Variants in SPMAP2L observed in about 807,000 individuals in gnomAD.
SPMAP2L encodes the protein sperm microtubule associated protein 2 like.
At chr4:56,546,149 A>T in the SPMAP2L span, among the ~76,000 whole-genome samples, 1 of 152,034 alleles carries the variant, frequency 6.6e-6, no homozygotes, top group Non-Finnish European at 1.5e-5. Flanking sequence ...AAATTCTTAG[A>T]ATTAATAATG....
chr4:56,573,217 A>G, the SPMAP2L span, among the ~76,000 whole-genome samples: 4,860 of 152,298 alleles, frequency 0.032, 232 homozygotes, highest in African/African-American at 0.1. Flanking sequence ...TCATTTGAAT[A>G]GTGCTTTGTG....
the SPMAP2L span, among the ~76,000 whole-genome samples, chr4:56,543,827 T>C: frequency 3.9e-5 from 6 of 152,048 alleles, no homozygotes; most frequent in African/African-American, 1.2e-4. Context: ...GCTTAACCTA[T>C]TAATTTTGGT....
chr4:56,571,477 T>A, the SPMAP2L span, among the ~76,000 whole-genome samples: 1 of 151,958 alleles, frequency 6.6e-6, no homozygotes, highest in Non-Finnish European at 1.5e-5. Flanking sequence ...CACACCTGGT[T>A]AATTGTTTTG....
the SPMAP2L span, among the ~76,000 whole-genome samples, chr4:56,624,503 C>T: frequency 6.6e-6 from 1 of 152,174 alleles, no homozygotes; most frequent in Non-Finnish European, 1.5e-5. Context: ...GCAGCCCCTC[C>T]CATCACAGGC....
chr4:56,581,385 G>T, the SPMAP2L span, among the ~76,000 whole-genome samples: 3 of 151,838 alleles, frequency 2.0e-5, no homozygotes, highest in African/African-American at 7.3e-5. Context: ...AACCTGGGAG[G>T]CAGAGGTTAC....
chr4:56,621,159 ACTATTAATTTAGGAGACTGC>A, the SPMAP2L span, among the ~76,000 whole-genome samples: 748 of 152,336 alleles, frequency 4.9e-3, 8 homozygotes, highest in African/African-American at 0.016. Flanking sequence ...TTATTACTGT[ACTATTAATTTAGGAGACTGC>A]CTATTAATTT....
chr4:56,552,572 C>T, the SPMAP2L span: 2 of 1,526,516 alleles, frequency 1.3e-6, no homozygotes, highest in Non-Finnish European at 1.8e-6. Context: ...AAGAGAACCC[C>T]AAATCTTTCA....
chr4:56,573,363 A>G, the SPMAP2L span, among the ~76,000 whole-genome samples: 15 of 152,286 alleles, frequency 9.8e-5, no homozygotes, highest in African/African-American at 2.6e-4. Context: ...TGGTCAGTAC[A>G]GATTTTCCTG....
At chr4:56,623,772 T>C in the SPMAP2L span, among the ~76,000 whole-genome samples, 1 of 152,222 alleles carries the variant, frequency 6.6e-6, no homozygotes, top group Non-Finnish European at 1.5e-5. Context: ...CCTCCCACCA[T>C]GATTCTGAGG....
At chr4:56,568,204 C>T in the SPMAP2L span, among the ~76,000 whole-genome samples, 50 of 152,214 alleles carry the variant, frequency 3.3e-4, no homozygotes, top group African/African-American at 9.9e-4. Context: ...CTTGAAAATA[C>T]GCAATACAGT....
chr4:56,593,385 T>C, the SPMAP2L span: 1 of 1,296,816 alleles, frequency 7.7e-7, no homozygotes. Context: ...GAGTCCTCAT[T>C]GAGCTGAAGT....
chr4:56,599,445 C>G, the SPMAP2L span, among the ~76,000 whole-genome samples: 1 of 152,096 alleles, frequency 6.6e-6, no homozygotes, highest in Non-Finnish European at 1.5e-5. Context: ...AGATTTGTTA[C>G]ATAGGTATAC....
chr4:56,543,941 AGAGAGAGAGT>A, the SPMAP2L span, among the ~76,000 whole-genome samples: 5 of 132,342 alleles, frequency 3.8e-5, no homozygotes, highest in South Asian at 2.4e-4. Context: ...AGAGAGAGAG[AGAGAGAGAGT>A]GTGTGTGTGT....
At chr4:56,565,845 T>C in the SPMAP2L span, among the ~76,000 whole-genome samples, 16 of 152,152 alleles carry the variant, frequency 1.1e-4, no homozygotes, top group Non-Finnish European at 8.8e-5. Context: ...TATTACAAAT[T>C]GACCCTTTTT....
At chr4:56,607,501 A>G in the SPMAP2L span, among the ~76,000 whole-genome samples, 1 of 152,204 alleles carries the variant, frequency 6.6e-6, no homozygotes, top group Admixed American at 6.5e-5. Context: ...AATACCTAAA[A>G]ATGTAAAAAC....
chr4:56,604,010 A>G, the SPMAP2L span, among the ~76,000 whole-genome samples: 2 of 152,202 alleles, frequency 1.3e-5, no homozygotes, highest in Non-Finnish European at 2.9e-5. Context: ...TATTCTCTCT[A>G]TAGATCAGTA....
At chr4:56,569,296 C>T in the SPMAP2L span, among the ~76,000 whole-genome samples, 868 of 152,290 alleles carry the variant, frequency 5.7e-3, 16 homozygotes, top group South Asian at 0.065. Flanking sequence ...TCCAATATCT[C>T]CACATCCTTA....
the SPMAP2L span, among the ~76,000 whole-genome samples, chr4:56,560,237 A>C: frequency 2.0e-5 from 3 of 152,106 alleles, no homozygotes; most frequent in African/African-American, 7.2e-5. Context: ...ATCTGAAATC[A>C]CCTGTTGCGA....
At chr4:56,614,849 T>C in the SPMAP2L span, among the ~76,000 whole-genome samples, 31,106 of 152,056 alleles carry the variant, frequency 0.2, 3,787 homozygotes, top group African/African-American at 0.33. Context: ...TCCAGAGTTG[T>C]TTCCCCACCA....
Sources: allele counts gnomAD v4.1 joint callset (sites outside exome capture counted in the v4.1 genomes callset), GRCh38; gene constraint gnomAD v4.1.1; transcripts MANE v1.5; gene names NCBI Gene and HGNC (gene_info 2026-07-23, HGNC 2026-07-21).